Variants in FAM193A observed in about 807,000 individuals in gnomAD.
FAM193A encodes protein FAM193A.
In FAM193A, 22 loss-of-function variants were observed where a neutral mutation model predicts 126.5. The observed-to-expected ratio is 0.17, with a 90% CI of 0.12 to 0.25. FAM193A has a LOEUF of 0.25. Among genes scored for constraint, FAM193A ranks in the 10% least tolerant of loss-of-function variants. The probability of loss-of-function intolerance (pLI) is 1.00; values close to 1 mark genes in which losing one functional copy is unlikely to be tolerated. For synonymous variants in FAM193A, 761 were observed against 646.8 expected, an observed-to-expected ratio of 1.18 and a Z score of -2.68; for missense variants, 1,675 against 1,672.8, an observed-to-expected ratio of 1.00 and a Z score of -0.02.
At chr4:2,653,036 C>A (rs1463182379) in intron 7 of FAM193A, among the ~76,000 whole-genome samples, 1 of 152,176 alleles carries the variant, frequency 6.6e-6, no homozygotes, top group Non-Finnish European at 1.5e-5. Flanking sequence ...AGCATAACAT[C>A]CTGCCCCTAA....
Position 2,630,991 on chromosome 4 carries a change from A to G in FAM193A, c.860A>G (p.Glu287Gly), listed in dbSNP as rs549427304. 6.6e-5 allele frequency: 106 copies of G among 1,613,350 alleles called. No homozygotes were observed. The highest frequency in any genetic ancestry group is 8.9e-5 in the Non-Finnish European group (105 of 1,179,962). ...LYQRLEQQAREYVLEMKVRLL... is the reference protein window; with the variant it reads ...LYQRLEQQARGYVLEMKVRLL... ...CAGCGTCTGGAACAGCAAGCTCGAGAGTATGTGCTGGAGATGAAGGTCCGC... is the reference window on the plus strand; with the variant it reads ...CAGCGTCTGGAACAGCAAGCTCGAGGGTATGTGCTGGAGATGAAGGTCCGC... The change falls in exon 5 of 21, where the codon GAG (glutamate) becomes GGG (glycine). Residue 287 changes from glutamate (E) to glycine (G), a missense_variant. This residue lies in a region of FAM193A where 1,186 missense variants were observed against 1,109.2 expected (regional missense o/e 1.07). Coordinates refer to ENST00000637812, the MANE Select transcript of FAM193A (RefSeq NM_001366318.2).
chr4:2,623,220 G>C (rs1444201900), intron 2 of FAM193A, among the ~76,000 whole-genome samples: 2 of 151,458 alleles, frequency 1.3e-5, no homozygotes, highest in Non-Finnish European at 2.9e-5. Flanking sequence ...CACCAGGCTG[G>C]AGTGCGGTGG....
intron 7 of FAM193A, chr4:2,654,271 G>C (rs1044018288): frequency 1.3e-5 from 2 of 151,928 alleles, no homozygotes; most frequent in African/African-American, 4.8e-5. Flanking sequence ...ACTAGGCGGT[G>C]GTGTCATCTC....
At chr4:2,568,973 C>CTTTTTTTTTTTTTTTTTTTTTTT (rs753557878) in intron 1 of FAM193A, among the ~76,000 whole-genome samples, 1 of 90,722 alleles carries the variant, frequency 1.1e-5, no homozygotes, top group African/African-American at 4.6e-5. Flanking sequence ...TGTTGTTTTG[C>CTTTTTTTTTTTTTTTTTTTTTTT]TTTTTTTTTT....
chr4:2,560,890 C>G (rs1047146857), intron 1 of FAM193A, among the ~76,000 whole-genome samples: 8 of 152,078 alleles, frequency 5.3e-5, no homozygotes, highest in Non-Finnish European at 7.4e-5. Flanking sequence ...TCAAGTGATT[C>G]ACCTCACCTG....
chr4:2,630,022 T>A (rs542410696), intron 4 of FAM193A, among the ~76,000 whole-genome samples: 10 of 151,594 alleles, frequency 6.6e-5, no homozygotes, highest in Non-Finnish European at 1.5e-4. Context: ...GTCCCAGCTA[T>A]TCGGGAGGCT....
intron 6 of FAM193A, among the ~76,000 whole-genome samples, chr4:2,641,077 G>A (rs531579917): frequency 1.3e-5 from 2 of 151,894 alleles, no homozygotes; most frequent in East Asian, 4.0e-4. Flanking sequence ...GTCTTGCTCT[G>A]TCACCCAGGC....
intron 1 of FAM193A, among the ~76,000 whole-genome samples, chr4:2,590,247 A>G (rs1160180293): frequency 1.3e-5 from 2 of 151,288 alleles, no homozygotes; most frequent in African/African-American, 2.4e-5. Context: ...CGAGGCGGGC[A>G]GATCACGAGG....
At chr4:2,558,554 A>AT (rs1391756021) in intron 1 of FAM193A, among the ~76,000 whole-genome samples, 2 of 151,762 alleles carry the variant, frequency 1.3e-5, no homozygotes, top group African/African-American at 2.4e-5. Context: ...GCTAATCAAA[A>AT]TTTTTCTGGG....
At chr4:2,568,452 G>T (rs846100) in intron 1 of FAM193A, among the ~76,000 whole-genome samples, 149,940 of 152,314 alleles carry the variant, frequency 0.98, 73,835 homozygotes, top group Middle Eastern at 1. Flanking sequence ...CCCAGGAGTT[G>T]CAGGCTACAG....
chr4:2,697,945 C>T (rs1029415231), intron 18 of FAM193A, among the ~76,000 whole-genome samples: 5 of 152,250 alleles, frequency 3.3e-5, no homozygotes, highest in African/African-American at 1.2e-4. Flanking sequence ...CTCTCCACCC[C>T]AGGCTCTTGC....
chr4:2,564,818 T>C (rs1738836419), intron 1 of FAM193A, among the ~76,000 whole-genome samples: 1 of 152,168 alleles, frequency 6.6e-6, no homozygotes, highest in Non-Finnish European at 1.5e-5. Flanking sequence ...TTGTTTTTTA[T>C]TTTTGAGATA....
intron 1 of FAM193A, among the ~76,000 whole-genome samples, chr4:2,594,721 C>G (rs1021584704): frequency 6.6e-6 from 1 of 151,922 alleles, no homozygotes; most frequent in South Asian, 2.1e-4. Context: ...GGTTAAAAAT[C>G]CTGTGTCTCC....
At chr4:2,553,526 G>A (rs906818919) in intron 1 of FAM193A, among the ~76,000 whole-genome samples, 10 of 151,838 alleles carry the variant, frequency 6.6e-5, no homozygotes, top group African/African-American at 1.9e-4. Context: ...GACTACAGGC[G>A]CGCACCACCA....
intron 5 of FAM193A, among the ~76,000 whole-genome samples, chr4:2,635,369 A>G (rs1387660506): frequency 1.3e-5 from 2 of 152,208 alleles, no homozygotes; most frequent in Non-Finnish European, 2.9e-5. Context: ...GACTTACATC[A>G]GTACTTGCTG....
intron 1 of FAM193A, among the ~76,000 whole-genome samples, chr4:2,576,863 T>C (rs1739616562): frequency 6.6e-6 from 1 of 152,210 alleles, no homozygotes; most frequent in Non-Finnish European, 1.5e-5. Context: ...TTCAGCACTT[T>C]GGGCTTAAGG....
At chr4:2,654,419 G>A (rs865828310) in intron 7 of FAM193A, 2 of 142,778 alleles carry the variant, frequency 1.4e-5, no homozygotes, top group South Asian at 4.4e-4. Context: ...TGGTAGAGAC[G>A]GGGTTTCACC....
At chr4:2,597,315 C>T (rs1278010460) in intron 2 of FAM193A, among the ~76,000 whole-genome samples, 1 of 152,190 alleles carries the variant, frequency 6.6e-6, no homozygotes, top group Non-Finnish European at 1.5e-5. Flanking sequence ...ACAAAGACAG[C>T]TATTTTTATG....
At position 2,604,692 on chromosome 4, in the gene FAM193A, C is replaced by A. The variant is rs924119071; in HGVS notation, c.501+8363C>A. On this transcript the variant is annotated intron_variant, in intron 2 of 20. Transcript: ENST00000637812. ...CTGCACATCCTTTTAATTTTGATTT[C>A]TTTGTGTTAGTCTGTTTAGGTGTTC... 4.0e-5 allele frequency among the ~76,000 whole-genome samples: 6 copies of A among 148,324 alleles called. No homozygotes were observed. In the Admixed American group the frequency reaches 4.1e-4, roughly 10 times the overall value.
Sources: gnomAD v4.1 joint callset for allele counts (sites outside exome capture counted in the v4.1 genomes callset) on GRCh38, gnomAD v4.1.1 for gene constraint, gnomAD v4.1.1 regional missense constraint, MANE v1.5 for transcripts, NCBI Gene and HGNC (gene_info 2026-07-23, HGNC 2026-07-21) for gene names.